Variants in UNC13C observed in about 807,000 individuals in gnomAD.
The protein encoded by UNC13C is unc-13 homolog C.
In UNC13C, 174 loss-of-function variants were observed where a neutral mutation model predicts 245.4. The observed-to-expected ratio is 0.71, with a 90% CI of 0.63 to 0.80. The LOEUF is 0.80. Among genes scored for constraint, UNC13C ranks in the 30% least tolerant of loss-of-function variants. UNC13C has a pLI of 0.00. For missense variants in UNC13C, 2,829 were observed against 2,602.9 expected, an observed-to-expected ratio of 1.09 and a Z score of -1.89; for synonymous variants, 992 against 895.1, an observed-to-expected ratio of 1.11 and a Z score of -1.93.
chr15:54,188,338 A>G (rs1202487296), intron 4 of UNC13C, among the ~76,000 whole-genome samples: 1 of 152,204 alleles, frequency 6.6e-6, no homozygotes, highest in African/African-American at 2.4e-5. Flanking sequence ...TTGTGATTAT[A>G]AAGAGGTAAA....
intron 1 of UNC13C, among the ~76,000 whole-genome samples, chr15:53,990,171 C>A (rs1894320878): frequency 6.6e-6 from 1 of 152,010 alleles, no homozygotes; most frequent in Admixed American, 6.6e-5. Context: ...AACATACTCT[C>A]TTAAAGACTC....
rs144262803 is a variant in UNC13C, at chr15:54,472,880, T to C, written c.4934-21728T>C. On this transcript the variant is annotated intron_variant, in intron 19 of 32. Coordinates refer to ENST00000260323, the MANE Select transcript of UNC13C (RefSeq NM_001080534.3). ...AATAATTTAAACATGTATTTCATAT[T>C]TGGGGAGTCGGACATGTACAGATTT... Among the ~76,000 whole-genome samples the C allele has an allele frequency of 7.3e-4, 111 of 152,054 alleles. 3 individuals are homozygous for C. In the East Asian group the frequency reaches 0.02, roughly 27 times the overall value.
intron 10 of UNC13C, among the ~76,000 whole-genome samples, chr15:54,281,412 A>G (rs1193355059): frequency 6.6e-6 from 1 of 152,194 alleles, no homozygotes; most frequent in East Asian, 1.9e-4. Flanking sequence ...GAAAGGACTG[A>G]GAGAGAGAAC....
At chr15:54,529,353 A>G (rs1024950936) in intron 25 of UNC13C, among the ~76,000 whole-genome samples, 16 of 152,218 alleles carry the variant, frequency 1.1e-4, no homozygotes, top group African/African-American at 3.9e-4. Context: ...AAATTTTTCC[A>G]TATTAAGCAT....
intron 17 of UNC13C, 123 bp from the exon 18 acceptor site, chr15:54,392,925 C>G: frequency 8.6e-7 from 1 of 1,156,592 alleles, no homozygotes; most frequent in Non-Finnish European, 1.2e-6. Flanking sequence ...ACAGCTTTGA[C>G]TCCCATAATC....
At chr15:54,178,588 A>G (rs577466278) in intron 4 of UNC13C, among the ~76,000 whole-genome samples, 1 of 152,308 alleles carries the variant, frequency 6.6e-6, no homozygotes, top group South Asian at 2.1e-4. Flanking sequence ...AGCCTTTCCA[A>G]GGTGCAAAAC....
chr15:54,614,277 C>G (rs1043660133), intron 30 of UNC13C, among the ~76,000 whole-genome samples: 38 of 151,886 alleles, frequency 2.5e-4, no homozygotes, highest in Non-Finnish European at 1.5e-4. Flanking sequence ...GTTGCTAATA[C>G]CCACATCCCC....
intron 18 of UNC13C, among the ~76,000 whole-genome samples, chr15:54,408,116 G>T (rs1000105535): frequency 2.8e-5 from 4 of 144,736 alleles, no homozygotes; most frequent in Non-Finnish European, 4.5e-5. Context: ...CAGGAGAGTG[G>T]CATGAACCCG....
chr15:54,416,872 T>C, intron 19 of UNC13C: 1 of 456,364 alleles, frequency 2.2e-6, no homozygotes, highest in South Asian at 1.5e-5. Flanking sequence ...ATTCCTTTAT[T>C]GTCTTCGCTA....
In UNC13C at chr15:54,055,174, C is replaced by T. The variant is rs1897454736; in HGVS notation, c.2983+39288C>T. On this transcript the variant is annotated intron_variant, in intron 2 of 32. Coordinates refer to ENST00000260323, the MANE Select transcript of UNC13C (RefSeq NM_001080534.3). Reference sequence around the variant, plus strand: ...AATGCCAAATAATTGATTTATTATACTAAAATACCTCTCATGCCTAAATCA... The same window carrying T: ...AATGCCAAATAATTGATTTATTATATTAAAATACCTCTCATGCCTAAATCA... Among the ~76,000 whole-genome samples the T allele has an allele frequency of 3.3e-5, 5 of 152,150 alleles. No homozygotes were observed. The South Asian group carries it at 1.0e-3, about 31-fold the overall frequency.
At chr15:53,985,953 G>A (rs1427536893) in intron 1 of UNC13C, among the ~76,000 whole-genome samples, 5 of 151,934 alleles carry the variant, frequency 3.3e-5, no homozygotes, top group African/African-American at 4.8e-5. Context: ...TGAGCACATC[G>A]AATGTGTTTA....
chr15:54,535,993 C>T (rs778393266), intron 26 of UNC13C, among the ~76,000 whole-genome samples: 55 of 152,106 alleles, frequency 3.6e-4, no homozygotes, highest in Non-Finnish European at 6.3e-4. Context: ...ATCAGTTGAA[C>T]TGAATCAAAT....
chr15:54,519,076 CA>C (rs1895104802), intron 24 of UNC13C, among the ~76,000 whole-genome samples: 1 of 152,110 alleles, frequency 6.6e-6, no homozygotes, highest in African/African-American at 2.4e-5. Context: ...AAAAGCATAA[CA>C]CATTATCTGT....
chr15:53,888,926 A>C, the UNC13C span, among the ~76,000 whole-genome samples: 3 of 152,188 alleles, frequency 2.0e-5, no homozygotes, highest in African/African-American at 7.2e-5. Context: ...TTTTGGTACC[A>C]GTACCATGCC....
At chr15:54,329,081 GT>G (rs36002521) in intron 14 of UNC13C, among the ~76,000 whole-genome samples, 8,096 of 121,392 alleles carry the variant, frequency 0.067, 159 homozygotes, top group Admixed American at 0.1. Flanking sequence ...ATTAAACCAA[GT>G]TTTTTTTTTT....
intron 2 of UNC13C, among the ~76,000 whole-genome samples, chr15:54,021,189 G>A (rs78152198): frequency 0.032 from 4,911 of 151,752 alleles, 262 homozygotes; most frequent in African/African-American, 0.11. Flanking sequence ...TTTTTAGTGA[G>A]AACATGACAA....
chr15:54,614,404 T>C (rs777707813), intron 30 of UNC13C, among the ~76,000 whole-genome samples: 8 of 151,942 alleles, frequency 5.3e-5, no homozygotes, highest in Middle Eastern at 3.2e-3. Flanking sequence ...TTGAATCTTT[T>C]TGAATCCATA....
intron 19 of UNC13C, among the ~76,000 whole-genome samples, chr15:54,430,334 A>C (rs987282584): frequency 3.3e-5 from 5 of 151,712 alleles, no homozygotes; most frequent in African/African-American, 1.2e-4. Flanking sequence ...AGTCCAACTG[A>C]TATCAGCTAT....
chr15:54,342,648 C>T (rs2038762678), intron 17 of UNC13C, among the ~76,000 whole-genome samples: 1 of 151,946 alleles, frequency 6.6e-6, no homozygotes, highest in South Asian at 2.1e-4. Context: ...TGTAATTATC[C>T]ATGAAACATT....
Sources: gnomAD v4.1 joint callset for allele counts (sites outside exome capture counted in the v4.1 genomes callset) on GRCh38, gnomAD v4.1.1 for gene constraint, MANE v1.5 for transcripts, NCBI Gene and HGNC (gene_info 2026-07-23, HGNC 2026-07-21) for gene names.